GAD1: variants seen among roughly 807,000 people sequenced by gnomAD.
GAD1 encodes the protein glutamate decarboxylase 1, also known as 67 kDa glutamic acid decarboxylase.
GAD1 carries 35 observed loss-of-function variants against 75.2 expected under a neutral mutation model. The observed-to-expected ratio is 0.47, with a 90% CI of 0.36 to 0.62. The LOEUF (loss-of-function observed/expected upper bound fraction) is 0.62, where lower values mean the gene tolerates loss of function less well. Among genes scored for constraint, GAD1 ranks in the 20% least tolerant of loss-of-function variants. The pLI, the probability that GAD1 is intolerant of heterozygous loss-of-function variation, is 0.00. For synonymous variants in GAD1, 257 were observed against 271.9 expected (o/e 0.95, Z 0.54); for missense variants, 490 against 758.5 (o/e 0.65, Z 4.16).
At chr2:170,814,962 C>A (rs1184033768), upstream of GAD1, among the ~76,000 whole-genome samples, 1 of 152,094 alleles carries the variant, frequency 6.6e-6, no homozygotes, top group African/African-American at 2.4e-5. Flanking sequence ...AAGGTTGAGG[C>A]GAGCGGGCGT....
At chr2:170,831,999 A>C (rs1702244452) in intron 5 of GAD1, among the ~76,000 whole-genome samples, 1 of 152,014 alleles carries the variant, frequency 6.6e-6, no homozygotes, top group South Asian at 2.1e-4. Context: ...GATTTAGGCT[A>C]TTCACAACCT....
intron 5 of GAD1, 76 bp downstream of exon 5, chr2:170,831,268 A>G: frequency 1.3e-6 from 2 of 1,516,538 alleles, no homozygotes; most frequent in Middle Eastern, 1.8e-4. Flanking sequence ...TGAGGATATC[A>G]AACTTGTGTT....
At chr2:170,851,040 G>C (rs372439094) in intron 12 of GAD1, among the ~76,000 whole-genome samples, 5 of 151,866 alleles carry the variant, frequency 3.3e-5, no homozygotes, top group African/African-American at 9.7e-5. Flanking sequence ...AAAAAGAACT[G>C]TGGATGAGCC....
At chr2:170,850,905 G>A (rs1173365623) in intron 12 of GAD1, among the ~76,000 whole-genome samples, 28 of 151,882 alleles carry the variant, frequency 1.8e-4, no homozygotes, top group Admixed American at 1.7e-3. Context: ...TTCTAGCTAC[G>A]CAGGAGGCTG....
chr2:170,831,640 AC>A (rs1702229880), intron 5 of GAD1, among the ~76,000 whole-genome samples: 1 of 108,506 alleles, frequency 9.2e-6, no homozygotes, highest in Non-Finnish European at 2.1e-5. Context: ...GTGTGTATAT[AC>A]CTATTTTTAT....
At chr2:170,813,964 C>T (rs1054846961), upstream of GAD1, among the ~76,000 whole-genome samples, 1 of 152,158 alleles carries the variant, frequency 6.6e-6, no homozygotes, top group Admixed American at 6.5e-5. Flanking sequence ...CTTCAAAGCG[C>T]TTCAAATACA....
At chr2:170,828,248 CCT>C (rs1491108053) in intron 3 of GAD1, among the ~76,000 whole-genome samples, 2 of 136,990 alleles carry the variant, frequency 1.5e-5, no homozygotes, top group Non-Finnish European at 3.1e-5. Flanking sequence ...CCTCACCCCT[CCT>C]CTCTCTGCTG....
chr2:170,837,480 G>A (rs956526862), intron 6 of GAD1, among the ~76,000 whole-genome samples: 7 of 152,162 alleles, frequency 4.6e-5, no homozygotes, highest in Non-Finnish European at 1.5e-5. Context: ...TGACTCTGAG[G>A]TCCTGTAGGG....
At chr2:170,848,622 C>G in intron 11 of GAD1, 2 of 492,812 alleles carry the variant, frequency 4.1e-6, no homozygotes, top group South Asian at 3.0e-5. Flanking sequence ...ACAAAAGATG[C>G]ATTTTCACAT....
At position 170,839,613 on chromosome 2, in the gene GAD1, C is replaced by CA. The variant is rs201762496; in HGVS notation, c.638+2747dup. On this transcript the variant is annotated intron_variant, in intron 6 of 16. Transcript: ENST00000358196. ...CGGGCGACAGAACGAGACTCCATCT[C>CA]AAAAAAAAAAAAAAAAATCTATGTC... Among the ~76,000 whole-genome samples the CA allele has an allele frequency of 8.3e-3, 844 of 101,686 alleles. 6 individuals carry two copies. Among genetic ancestry groups the CA allele is most frequent in the South Asian group, 0.02 (63 of 3,170 alleles). The allele number at this position is 101,686 out of a possible 152,430, so 66.7% of individuals were successfully genotyped here.
At chr2:170,842,760 T>C in intron 6 of GAD1, 1 of 1,509,220 alleles carries the variant, frequency 6.6e-7, no homozygotes, top group Non-Finnish European at 8.9e-7. Flanking sequence ...TACCAACATA[T>C]CTGAGGATCC....
Position 170,853,680 on chromosome 2 carries a change from A to G in GAD1, c.1264-193A>G. On this transcript the variant is annotated intron_variant, in intron 13 of 16. Coordinates refer to ENST00000358196, the MANE Select transcript of GAD1 (RefSeq NM_000817.3). The surrounding 1 kb of genome is among the most constrained non-coding windows in gnomAD (Gnocchi z 4.1). ...GATCATCTTCTAATCAGAGAGTCAGAGACAAAAGGGATGGCAGTTTTTCCA... is the reference window on the plus strand; with the variant it reads ...GATCATCTTCTAATCAGAGAGTCAGGGACAAAAGGGATGGCAGTTTTTCCA... 3.3e-6 allele frequency: 2 copies of G among 597,614 alleles called. No homozygotes were observed. The highest frequency in any genetic ancestry group is 6.0e-6 in the Non-Finnish European group (2 of 330,768). The allele number at this position is 597,614 out of a possible 1,614,324, so 37.0% of individuals were successfully genotyped here.
At chr2:170,838,657 C>A (rs746698465) in intron 6 of GAD1, among the ~76,000 whole-genome samples, 1 of 152,148 alleles carries the variant, frequency 6.6e-6, no homozygotes, top group Non-Finnish European at 1.5e-5. Flanking sequence ...AGGTAAATAA[C>A]GGACCTCCCC....
rs1340232387 is a variant in GAD1 at position 170,853,205 on chromosome 2, GAAC to G, written c.1263+420_1263+422del. 2.9e-5 allele frequency: 7 copies of G among 245,182 alleles called. No homozygotes were observed. Among genetic ancestry groups the G allele is most frequent in the African/African-American group, 6.7e-5 (3 of 44,866 alleles). The allele number at this position is 245,182 out of a possible 1,614,324, so 15.2% of individuals were successfully genotyped here. A position where few individuals can be genotyped will look rare whatever the true frequency, so the allele number is the denominator to read the frequency against. On this transcript the variant is annotated intron_variant, in intron 13 of 16. Transcript: ENST00000358196. This position sits in a 1 kb window ranked among gnomAD's most constrained non-coding sequence, Gnocchi z 4.1. ...CCCAAGAACTGAAATAAATGAGACAGAACAACAACTACAAATATCAACTTAGGG... is the reference window on the plus strand; with the variant it reads ...CCCAAGAACTGAAATAAATGAGACAGAACAACTACAAATATCAACTTAGGG...
In GAD1 at chr2:170,858,859, C is replaced by T. The variant is rs1194319367; in HGVS notation, c.1577C>T (p.Pro526Leu). ...WYIPQSLRGV[P>L]DSPQRREKLH... is the part of the protein sequence containing the mutation. ...ATTCCACAAAGCCTCAGGGGTGTGC[C>T]AGACAGCCCTCAACGACGGGAAAAG... The change falls in exon 16 of 17, where the codon CCA (proline) becomes CTA (leucine). Residue 526 changes from proline (P) to leucine (L), a missense_variant. Pro to Leu is a moderately conservative substitution (Grantham distance 98, BLOSUM62 -3). This residue lies in a region of GAD1 where 324 missense variants were observed against 523.9 expected (regional missense o/e 0.62). Coordinates refer to ENST00000358196, the MANE Select transcript of GAD1 (RefSeq NM_000817.3). 1 of 1,614,178 alleles carries T rather than the reference C, an allele frequency of 6.2e-7. No individual in the cohort carries two copies. The highest frequency in any genetic ancestry group is 1.1e-5 in the South Asian group (1 of 91,070).
At chr2:170,822,526 G>C (rs1354489952) in intron 3 of GAD1, among the ~76,000 whole-genome samples, 1 of 152,226 alleles carries the variant, frequency 6.6e-6, no homozygotes, top group Non-Finnish European at 1.5e-5. Flanking sequence ...CCCAAAGGTC[G>C]CGTAGAAAAG....
At position 170,836,681 on chromosome 2, in the gene GAD1, A is replaced by G. The variant is rs531930957; in HGVS notation, c.548-112A>G. The G allele has an allele frequency of 5.3e-5, 41 of 772,126 alleles. No individual in the cohort carries two copies. The East Asian group carries it at 9.3e-4, about 18-fold the overall frequency. 47.8% of individuals were successfully genotyped at this position (772,126 alleles called of 1,614,324 possible). ...ATATCCTTGAGCAGCCTTATTCGAC[A>G]TATCACTGGGATGGAAGCCCCATCA... On this transcript the variant is annotated intron_variant, in intron 5 of 16. Transcript: ENST00000358196.
Position 170,832,662 on chromosome 2 carries a change from G to GCACACACA in GAD1, c.547+1471_547+1472insACACACAC, listed in dbSNP as rs1275912956. 4.0e-3 allele frequency among the ~76,000 whole-genome samples: 513 copies of GCACACACA among 128,498 alleles called. 4 individuals are homozygous for GCACACACA. Among genetic ancestry groups the GCACACACA allele is most frequent in the East Asian group, 0.019 (88 of 4,668 alleles). The allele number at this position is 128,498 out of a possible 152,430, so 84.3% of individuals were successfully genotyped here. A position where few individuals can be genotyped will look rare whatever the true frequency, so the allele number is the denominator to read the frequency against. ...GACACAGGCACACATGCGCGCGCGC[G>GCACACACA]CGCACACACACACACACACACACAC... On this transcript the variant is annotated intron_variant, in intron 5 of 16. Coordinates refer to ENST00000358196, the MANE Select transcript of GAD1 (RefSeq NM_000817.3).
intron 2 of GAD1, among the ~76,000 whole-genome samples, chr2:170,819,715 A>G (rs1701813121): frequency 6.6e-6 from 1 of 151,726 alleles, no homozygotes; most frequent in Non-Finnish European, 1.5e-5. Flanking sequence ...CTGAGATGTA[A>G]TTAATTGTAT....
Sources: allele counts gnomAD v4.1 joint callset (sites outside exome capture counted in the v4.1 genomes callset), GRCh38; gene constraint gnomAD v4.1.1; regional missense constraint gnomAD v4.1.1; non-coding constraint Gnocchi (gnomAD v3.1); transcripts MANE v1.5; gene names NCBI Gene and HGNC (gene_info 2026-07-23, HGNC 2026-07-21).